Variants in JMJD1C observed in about 807,000 individuals in gnomAD.
JMJD1C encodes jumonji domain containing 1C, also known as jumonji domain-containing protein 1C.
In JMJD1C, 31 loss-of-function variants were observed where a neutral mutation model predicts 245.3. That is an observed-to-expected ratio of 0.13 (90% CI 0.09 to 0.17). The LOEUF is 0.17. Among genes scored for constraint, JMJD1C ranks in the 10% least tolerant of loss-of-function variants. JMJD1C has a pLI of 1.00. For missense variants in JMJD1C, 2,691 were observed against 3,000.2 expected (o/e 0.90, Z 2.41); for synonymous variants, 1,057 against 1,017.4 (o/e 1.04, Z -0.74).
chr10:63,187,742 G>A (rs542414192), intron 18 of JMJD1C, among the ~76,000 whole-genome samples: 2 of 152,288 alleles, frequency 1.3e-5, no homozygotes, highest in Admixed American at 6.5e-5. Flanking sequence ...CACCAGGCCT[G>A]TAAAGCTTTC....
intron 3 of JMJD1C, among the ~76,000 whole-genome samples, chr10:63,259,640 TAAAC>T (rs1010168927): frequency 4.6e-5 from 7 of 152,172 alleles, no homozygotes; most frequent in African/African-American, 1.7e-4. Flanking sequence ...CAGAAATAGA[TAAAC>T]AATCTGGCAC....
chr10:63,224,481 C>CT (rs779355313), intron 3 of JMJD1C, among the ~76,000 whole-genome samples: 1 of 152,168 alleles, frequency 6.6e-6, no homozygotes, highest in Non-Finnish European at 1.5e-5. Flanking sequence ...ACATATAGTA[C>CT]TTTGTAAGTT....
intron 2 of JMJD1C, chr10:63,358,642 C>G (rs962356948): frequency 2.6e-5 from 4 of 151,798 alleles, no homozygotes; most frequent in African/African-American, 4.8e-5. Context: ...AAAATCACAA[C>G]AAAAACAAGA....
rs539937172 is a variant in JMJD1C, at chr10:63,386,146, C to A, written c.169-5664G>T. On this transcript the variant is annotated intron_variant, in intron 1 of 25. Coordinates refer to ENST00000399262, the MANE Select transcript of JMJD1C (RefSeq NM_032776.3). ...AGTAAGTTATCTCCCAAATCAACAG[C>A]CCTGAAGGAAAACACAAGGTACTAG... Among the ~76,000 whole-genome samples, 10 of 152,154 alleles carry A rather than the reference C, an allele frequency of 6.6e-5. No homozygotes were observed. The South Asian group carries it at 2.1e-3, about 32-fold the overall frequency.
chr10:63,174,014 G>A (rs1230699921), intron 24 of JMJD1C, among the ~76,000 whole-genome samples: 2 of 152,082 alleles, frequency 1.3e-5, no homozygotes. Flanking sequence ...TTACTAGAAT[G>A]GTCTAAAAAC....
intron 3 of JMJD1C, among the ~76,000 whole-genome samples, chr10:63,234,513 A>AAAC: frequency 6.7e-6 from 1 of 150,008 alleles, no homozygotes; most frequent in South Asian, 2.1e-4. Context: ...AAAAAAAAAA[A>AAAC]AAAAAAAACA....
chr10:63,497,556 A>G (rs1954401768), intron 1 of JMJD1C, among the ~76,000 whole-genome samples: 1 of 152,138 alleles, frequency 6.6e-6, no homozygotes, highest in South Asian at 2.1e-4. Context: ...AAGAATTTCA[A>G]ATTGTGGTAA....
chr10:63,396,832 A>C (rs1948523271), intron 1 of JMJD1C, among the ~76,000 whole-genome samples: 2 of 151,990 alleles, frequency 1.3e-5, no homozygotes, highest in Admixed American at 6.5e-5. Context: ...AAAAAAGGAA[A>C]GTAACAACTG....
intron 22 of JMJD1C, among the ~76,000 whole-genome samples, chr10:63,179,432 A>G (rs1269910149): frequency 6.6e-6 from 1 of 151,648 alleles, no homozygotes; most frequent in African/African-American, 2.4e-5. Flanking sequence ...AAAAAAGAAA[A>G]AAAGAAAATG....
chr10:63,180,193 A>G (rs921308391), intron 22 of JMJD1C, among the ~76,000 whole-genome samples: 1 of 152,016 alleles, frequency 6.6e-6, no homozygotes, highest in African/African-American at 2.4e-5. Flanking sequence ...TTTTTTAACT[A>G]CAGATGGGGT....
At chr10:63,398,070 C>T (rs1948614001) in intron 1 of JMJD1C, among the ~76,000 whole-genome samples, 1 of 152,174 alleles carries the variant, frequency 6.6e-6, no homozygotes, top group Middle Eastern at 3.2e-3. Flanking sequence ...CAACTCATGG[C>T]AAACCTTGTG....
chr10:63,391,604 G>A (rs1948067482), intron 1 of JMJD1C, among the ~76,000 whole-genome samples: 1 of 151,974 alleles, frequency 6.6e-6, no homozygotes, highest in Non-Finnish European at 1.5e-5. Context: ...TACCCCAAAA[G>A]GGAAAAGATG....
intron 2 of JMJD1C, among the ~76,000 whole-genome samples, chr10:63,370,352 T>C (rs1246282681): frequency 6.6e-6 from 1 of 152,246 alleles, no homozygotes; most frequent in Non-Finnish European, 1.5e-5. Flanking sequence ...TGTACACCTA[T>C]CTAAACTCAC....
chr10:63,347,928 T>C lies in JMJD1C; in HGVS notation c.333+32390A>G, dbSNP rs574840552. 5.3e-4 allele frequency among the ~76,000 whole-genome samples: 81 copies of C among 151,804 alleles called. No homozygotes were observed. In the South Asian group the frequency reaches 0.017, roughly 31 times the overall value. The stretch of plus-strand genomic sequence containing the variant: ...GACTCCATCTCAAAACAAGAGAAAT[T>C]ACCGCTGGGTGCAATAGATCATGCC... On this transcript the variant is annotated intron_variant, in intron 2 of 25. Coordinates refer to ENST00000399262, the MANE Select transcript of JMJD1C (RefSeq NM_032776.3).
In JMJD1C at chr10:63,402,144, A is replaced by AAAC. The variant is rs1554923061; in HGVS notation, c.169-21663_169-21662insGTT. On this transcript the variant is annotated intron_variant, in intron 1 of 25. Coordinates refer to ENST00000399262, the MANE Select transcript of JMJD1C (RefSeq NM_032776.3). ...AGCAAACTCCGTCTCAAAAAAAAAG[A>AAAC]AAAAAAAACAAAAAAAGTGGGCAGG... 7.9e-4 allele frequency among the ~76,000 whole-genome samples: 116 copies of AAAC among 146,364 alleles called. 3 individuals carry two copies. Among genetic ancestry groups the AAAC allele is most frequent in the East Asian group, 1.8e-3 (9 of 4,944 alleles).
At chr10:63,226,349 T>G (rs1384682631) in intron 3 of JMJD1C, among the ~76,000 whole-genome samples, 1 of 152,164 alleles carries the variant, frequency 6.6e-6, no homozygotes, top group African/African-American at 2.4e-5. Flanking sequence ...TGCTGTTTTT[T>G]TCTAGGTTAA....
At chr10:63,169,912 C>T (rs1842193820) in intron 24 of JMJD1C, among the ~76,000 whole-genome samples, 1 of 152,108 alleles carries the variant, frequency 6.6e-6, no homozygotes, top group Non-Finnish European at 1.5e-5. Context: ...AACAGGAGCC[C>T]AACTCCTGCG....
chr10:63,506,208 A>G (rs971499076), intron 1 of JMJD1C, among the ~76,000 whole-genome samples: 1 of 152,200 alleles, frequency 6.6e-6, no homozygotes, highest in Non-Finnish European at 1.5e-5. Flanking sequence ...TAAGTTGATC[A>G]ATATAATAAA....
chr10:63,400,890 T>G (rs1450917820), intron 1 of JMJD1C, among the ~76,000 whole-genome samples: 1 of 151,862 alleles, frequency 6.6e-6, no homozygotes, highest in African/African-American at 2.4e-5. Context: ...TGTTGTTGTT[T>G]TTGTTTTGAG....
Sources: gnomAD v4.1 joint callset for allele counts (sites outside exome capture counted in the v4.1 genomes callset) on GRCh38, gnomAD v4.1.1 for gene constraint, MANE v1.5 for transcripts, NCBI Gene and HGNC (gene_info 2026-07-23, HGNC 2026-07-21) for gene names.